RSRC1: variants seen among roughly 807,000 people sequenced by gnomAD.
The protein encoded by RSRC1 is serine/Arginine-related protein 53.
Under a neutral mutation model 49.1 loss-of-function variants are expected in RSRC1, and 39 were observed. The ratio of observed to expected loss-of-function variants is 0.79; its 90% CI spans 0.61 to 1.04. The LOEUF (loss-of-function observed/expected upper bound fraction) is 1.04, where lower values mean the gene tolerates loss of function less well. RSRC1 is among the 50% of genes least tolerant of loss of function. RSRC1 has a pLI of 0.00. For synonymous variants in RSRC1, 143 were observed against 130.8 expected (o/e 1.09, Z -0.63); for missense variants, 388 against 402.4 (o/e 0.96, Z 0.31).
chr3:158,461,496 C>G (rs1207681892), intron 7 of RSRC1, among the ~76,000 whole-genome samples: 1 of 151,790 alleles, frequency 6.6e-6, no homozygotes, highest in Non-Finnish European at 1.5e-5. Context: ...GCCATTCCCC[C>G]AAAATATTAT....
intron 4 of RSRC1, among the ~76,000 whole-genome samples, chr3:158,218,444 A>G (rs1458972708): frequency 2.6e-5 from 4 of 151,720 alleles, no homozygotes; most frequent in African/African-American, 9.6e-5. Context: ...TGCAGATGTT[A>G]AGGATAACCA....
At position 158,379,078 on chromosome 3, in the gene RSRC1, C is replaced by T. The variant is rs147714164; in HGVS notation, c.583+24170C>T. Among the ~76,000 whole-genome samples, 329 of 151,998 alleles carry T rather than the reference C, an allele frequency of 2.2e-3. 4 individuals carry two copies. The highest frequency in any genetic ancestry group is 7.6e-3 in the African/African-American group (313 of 41,342). On this transcript the variant is annotated intron_variant, in intron 6 of 9. Transcript: ENST00000611884. ...AGACCAAGTCACCACCATCTCTCAC[C>T]TGAATTTGTGCAATAGCTTCTTTAC...
intron 5 of RSRC1, among the ~76,000 whole-genome samples, chr3:158,334,657 G>C (rs1440076736): frequency 8.4e-6 from 1 of 118,406 alleles, no homozygotes; most frequent in Non-Finnish European, 2.0e-5. Context: ...ATTTGTGTGT[G>C]TGTGTGTGTG....
chr3:158,414,225 A>G (rs553785556), intron 6 of RSRC1, among the ~76,000 whole-genome samples: 2 of 152,280 alleles, frequency 1.3e-5, no homozygotes, highest in East Asian at 3.9e-4. Context: ...CAGTCATAAA[A>G]AGGAATGAGA....
chr3:158,375,098 A>G (rs1732285441), intron 6 of RSRC1, among the ~76,000 whole-genome samples: 1 of 150,210 alleles, frequency 6.7e-6, no homozygotes, highest in East Asian at 2.0e-4. Flanking sequence ...AATTATTGTC[A>G]TTCTAACGAC....
At chr3:158,381,608 G>A (rs969362724) in intron 6 of RSRC1, among the ~76,000 whole-genome samples, 1 of 152,078 alleles carries the variant, frequency 6.6e-6, no homozygotes, top group African/African-American at 2.4e-5. Flanking sequence ...AAACCTAGGT[G>A]GTATAACCTA....
chr3:158,403,952 T>A (rs1401410125), intron 6 of RSRC1, among the ~76,000 whole-genome samples: 3 of 151,872 alleles, frequency 2.0e-5, no homozygotes, highest in Non-Finnish European at 4.4e-5. Context: ...AATGTGAATT[T>A]TGTCAATAAA....
chr3:158,429,130 G>A (rs970275558), intron 6 of RSRC1, among the ~76,000 whole-genome samples: 6 of 151,778 alleles, frequency 4.0e-5, no homozygotes, highest in Non-Finnish European at 8.8e-5. Context: ...CCCAGAGCTG[G>A]TACTTTCAGC....
intron 4 of RSRC1, among the ~76,000 whole-genome samples, chr3:158,260,606 C>A (rs1253387367): frequency 6.6e-6 from 1 of 152,204 alleles, no homozygotes; most frequent in Non-Finnish European, 1.5e-5. Flanking sequence ...AGTACTCTGG[C>A]TCTGAGCCAA....
At chr3:158,498,995 A>G (rs116718154) in intron 7 of RSRC1, among the ~76,000 whole-genome samples, 2,976 of 152,284 alleles carry the variant, frequency 0.02, 104 homozygotes, top group African/African-American at 0.068. Flanking sequence ...GTTTGAAATC[A>G]GGCCGTGTGA....
chr3:158,369,053 A>T (rs1247739641), intron 6 of RSRC1, among the ~76,000 whole-genome samples: 1 of 152,100 alleles, frequency 6.6e-6, no homozygotes, highest in Non-Finnish European at 1.5e-5. Context: ...AGATCATTTT[A>T]TAAAATGCTT....
intron 7 of RSRC1, among the ~76,000 whole-genome samples, chr3:158,514,218 A>G (rs994567056): frequency 2.0e-5 from 3 of 151,910 alleles, no homozygotes; most frequent in African/African-American, 7.3e-5. Context: ...TAGGGTGTCA[A>G]TTTTGGATCT....
chr3:158,207,333 C>T (rs1194869497), intron 4 of RSRC1, among the ~76,000 whole-genome samples: 3 of 152,126 alleles, frequency 2.0e-5, no homozygotes, highest in Admixed American at 1.3e-4. Flanking sequence ...CCTCTCTCTT[C>T]GTTCTTACTT....
intron 6 of RSRC1, among the ~76,000 whole-genome samples, chr3:158,427,609 T>G (rs566928572): frequency 6.6e-6 from 1 of 151,908 alleles, no homozygotes; most frequent in East Asian, 2.0e-4. Flanking sequence ...TACTAGAGAG[T>G]TCAGAAAGAG....
chr3:158,203,330 C>T (rs1331749443), intron 4 of RSRC1, 85 bp downstream of exon 4: 4 of 1,392,510 alleles, frequency 2.9e-6, no homozygotes, highest in Non-Finnish European at 3.9e-6. Flanking sequence ...TGAGGTTTTT[C>T]TTGTGGCTTA....
intron 7 of RSRC1, among the ~76,000 whole-genome samples, chr3:158,527,123 T>C (rs988489238): frequency 7.1e-6 from 1 of 141,344 alleles, no homozygotes; most frequent in Non-Finnish European, 1.5e-5. Context: ...CTTCTGAATA[T>C]ACTCGCCGCT....
chr3:158,144,748 C>A (rs1460863262), intron 3 of RSRC1, among the ~76,000 whole-genome samples: 1 of 152,148 alleles, frequency 6.6e-6, no homozygotes, highest in Non-Finnish European at 1.5e-5. Flanking sequence ...TACAGTCCCC[C>A]CAACAGTGTA....
At chr3:158,396,749 C>G (rs920881607) in intron 6 of RSRC1, among the ~76,000 whole-genome samples, 5 of 152,132 alleles carry the variant, frequency 3.3e-5, no homozygotes, top group Non-Finnish European at 7.4e-5. Context: ...AAGCCACTTT[C>G]ACCTGTAGTT....
Position 158,229,284 on chromosome 3 carries a change from A to C in RSRC1, c.494+26039A>C, listed in dbSNP as rs865835410. Among the ~76,000 whole-genome samples the C allele has an allele frequency of 6.2e-3, 485 of 77,780 alleles. 35 individuals carry two copies. The highest frequency in any genetic ancestry group is 8.4e-3 in the Non-Finnish European group (310 of 36,794). 51.0% of individuals were successfully genotyped at this position (77,780 alleles called of 152,430 possible). A position where few individuals can be genotyped will look rare whatever the true frequency, so the allele number is the denominator to read the frequency against. The stretch of plus-strand genomic sequence containing the variant: ...TATATGTGTATGTATGTATATAAAC[A>C]TACACACACGTATATGTGTATGTAT... On this transcript the variant is annotated intron_variant, in intron 4 of 9. Coordinates refer to ENST00000611884, the MANE Select transcript of RSRC1 (RefSeq NM_001271838.2).
Sources: allele counts gnomAD v4.1 joint callset (sites outside exome capture counted in the v4.1 genomes callset), GRCh38; gene constraint gnomAD v4.1.1; transcripts MANE v1.5; gene names NCBI Gene and HGNC (gene_info 2026-07-23, HGNC 2026-07-21).